The following NTM variants were observed in gnomAD, a reference collection of about 807,000 sequenced individuals.
NTM encodes neurotrimin, also known as IgLON family member 2.
A neutral mutation model predicts 42.1 loss-of-function variants in NTM; 13 were observed. The ratio of observed to expected loss-of-function variants is 0.31; its 90% CI spans 0.20 to 0.49. NTM has a LOEUF of 0.49. Ranked by LOEUF, NTM falls within the 20% of genes least tolerant of loss-of-function variation. The pLI is 0.99. For synonymous variants in NTM, 187 were observed against 179.2 expected, an observed-to-expected ratio of 1.04 and a Z score of -0.35; for missense variants, 373 against 452.8, an observed-to-expected ratio of 0.82 and a Z score of 1.60.
chr11:131,562,406 C>T (rs1356886815), intron 1 of NTM, among the ~76,000 whole-genome samples: 2 of 152,078 alleles, frequency 1.3e-5, no homozygotes, highest in Non-Finnish European at 2.9e-5. Context: ...TCAGCAGCAC[C>T]CAAGACGGGA....
intron 1 of NTM, chr11:131,795,556 A>G (rs1179762365): frequency 2.0e-6 from 2 of 985,322 alleles, no homozygotes; most frequent in Non-Finnish European, 2.4e-6. Flanking sequence ...AGGATACAGC[A>G]TGATGTTTGC....
intron 2 of NTM, among the ~76,000 whole-genome samples, chr11:132,044,715 A>G (rs191907537): frequency 1.3e-5 from 2 of 152,182 alleles, no homozygotes; most frequent in African/African-American, 4.8e-5. Context: ...CCCGAGCACA[A>G]CTCCATGGGA....
At chr11:131,873,212 G>A (rs1394173083) in intron 1 of NTM, among the ~76,000 whole-genome samples, 1 of 151,926 alleles carries the variant, frequency 6.6e-6, no homozygotes, top group African/African-American at 2.4e-5. Context: ...TCCTTTTCAG[G>A]AACATGGATG....
intron 4 of NTM, among the ~76,000 whole-genome samples, chr11:132,271,934 A>AT (rs571166873): frequency 5.5e-4 from 84 of 152,188 alleles, no homozygotes; most frequent in African/African-American, 1.8e-3. Context: ...TTTGATTGTC[A>AT]TATAAGAAAC....
rs559180177 is a variant in NTM at position 132,256,991 on chromosome 11, C to T, written c.526+44844C>T. 2.0e-4 allele frequency among the ~76,000 whole-genome samples: 30 copies of T among 152,292 alleles called. No individual in the cohort carries two copies. In the South Asian group the frequency reaches 2.3e-3, roughly 12 times the overall value. Reference sequence around the variant, plus strand: ...CTACCCACTGAACCCCATCTGTCACCGCGCCCCATCACTGTCAGGGCCCTG... The same window carrying T: ...CTACCCACTGAACCCCATCTGTCACTGCGCCCCATCACTGTCAGGGCCCTG... On this transcript the variant is annotated intron_variant, in intron 4 of 8. Transcript: ENST00000683400.
At chr11:131,982,714 A>G (rs1261624988) in intron 2 of NTM, among the ~76,000 whole-genome samples, 5 of 152,236 alleles carry the variant, frequency 3.3e-5, no homozygotes, top group African/African-American at 1.2e-4. Context: ...TTTATTCATT[A>G]CACGTCATAA....
At chr11:131,713,994 G>A (rs555814259) in intron 1 of NTM, among the ~76,000 whole-genome samples, 14 of 152,272 alleles carry the variant, frequency 9.2e-5, no homozygotes, top group South Asian at 2.1e-4. Flanking sequence ...GAGGGGCTGC[G>A]TGTGCAGTCT....
intron 1 of NTM, among the ~76,000 whole-genome samples, chr11:131,399,494 T>G (rs1456630841): frequency 6.6e-6 from 1 of 152,204 alleles, no homozygotes; most frequent in Non-Finnish European, 1.5e-5. Flanking sequence ...TTTACAAGAT[T>G]GCTGTATTTG....
chr11:131,917,562 A>G (rs1454037103), intron 2 of NTM, among the ~76,000 whole-genome samples: 1 of 152,196 alleles, frequency 6.6e-6, no homozygotes, highest in African/African-American at 2.4e-5. Flanking sequence ...CTCCAGGGAA[A>G]TTAGCATTTT....
At chr11:131,515,767 T>G (rs2048818935) in intron 1 of NTM, among the ~76,000 whole-genome samples, 1 of 152,204 alleles carries the variant, frequency 6.6e-6, no homozygotes, top group South Asian at 2.1e-4. Context: ...CATCAGGTGT[T>G]TAAGTGTAGA....
chr11:132,129,269 A>G (rs2066405792), intron 2 of NTM, among the ~76,000 whole-genome samples: 1 of 152,180 alleles, frequency 6.6e-6, no homozygotes, highest in South Asian at 2.1e-4. Flanking sequence ...CTGTGTACGT[A>G]TTGTTACTAT....
chr11:131,384,493 G>A (rs1415368310), intron 1 of NTM, among the ~76,000 whole-genome samples: 1 of 152,102 alleles, frequency 6.6e-6, no homozygotes, highest in African/African-American at 2.4e-5. Flanking sequence ...CAATGGGGTG[G>A]GGATACAAAT....
chr11:131,823,444 A>C (rs1043476766), intron 1 of NTM, among the ~76,000 whole-genome samples: 1 of 152,186 alleles, frequency 6.6e-6, no homozygotes, highest in African/African-American at 2.4e-5. Flanking sequence ...CCCACCAGAG[A>C]CGCGGCTCAG....
intron 2 of NTM, among the ~76,000 whole-genome samples, chr11:132,086,191 G>A (rs1474458011): frequency 2.0e-5 from 3 of 152,032 alleles, no homozygotes; most frequent in Non-Finnish European, 2.9e-5. Context: ...GGGCATGGTG[G>A]TGGGCGCCTG....
In NTM at chr11:131,483,306, C is replaced by T. The variant is rs183276842; in HGVS notation, c.82+112418C>T. 1.6e-3 allele frequency among the ~76,000 whole-genome samples: 243 copies of T among 152,272 alleles called. 1 individual carries two copies. The highest frequency in any genetic ancestry group is 5.7e-3 in the African/African-American group (236 of 41,564). ...TGAATATTGCCAAAGACCAAGAAGT[C>T]CCCTACTCTCTGTGGTGAGAAGACT... On this transcript the variant is annotated intron_variant, in intron 1 of 8. Coordinates refer to ENST00000683400, the MANE Select transcript of NTM (RefSeq NM_001352005.2).
intron 7 of NTM, among the ~76,000 whole-genome samples, chr11:132,326,151 AAAACTT>A (rs1163275082): frequency 6.6e-6 from 1 of 152,168 alleles, no homozygotes; most frequent in Admixed American, 6.5e-5. Context: ...CATGTACCCT[AAAACTT>A]AAAGTAAAAT....
At chr11:131,894,247 T>A (rs967343899) in intron 1 of NTM, among the ~76,000 whole-genome samples, 5 of 152,272 alleles carry the variant, frequency 3.3e-5, no homozygotes, top group Admixed American at 2.0e-4. Context: ...TACTCTGCTG[T>A]CCCCACCTCT....
intron 1 of NTM, among the ~76,000 whole-genome samples, chr11:131,674,461 A>C (rs147390718): frequency 2.4e-3 from 359 of 152,290 alleles, no homozygotes; most frequent in African/African-American, 6.2e-3. Context: ...CATGACCTGG[A>C]TGGTGCTTCT....
At chr11:131,839,480 A>G (rs566625822) in intron 1 of NTM, among the ~76,000 whole-genome samples, 1 of 152,322 alleles carries the variant, frequency 6.6e-6, no homozygotes, top group Non-Finnish European at 1.5e-5. Context: ...CCAGGGCAGA[A>G]GCCCTCAGGC....
Sources: gnomAD v4.1 joint callset for allele counts (sites outside exome capture counted in the v4.1 genomes callset) on GRCh38, gnomAD v4.1.1 for gene constraint, MANE v1.5 for transcripts, NCBI Gene and HGNC (gene_info 2026-07-23, HGNC 2026-07-21) for gene names.